Variants in ARB2A observed in about 807,000 individuals in gnomAD.
ARB2A encodes cotranscriptional regulator ARB2A.
chr5:93,919,915 A>G, the ARB2A span, among the ~76,000 whole-genome samples: 3 of 152,178 alleles, frequency 2.0e-5, no homozygotes, highest in Non-Finnish European at 2.9e-5. Context: ...ATGTTTTCAC[A>G]AATTGATTAT....
chr5:93,869,035 A>G, the ARB2A span, among the ~76,000 whole-genome samples: 109 of 152,358 alleles, frequency 7.2e-4, no homozygotes, highest in African/African-American at 2.5e-3. Context: ...CAGACTTTGC[A>G]GTCAGAATTG....
chr5:93,952,272 C>A, the ARB2A span, among the ~76,000 whole-genome samples: 2 of 152,186 alleles, frequency 1.3e-5, no homozygotes, highest in Non-Finnish European at 2.9e-5. Context: ...GTAGCCAGAG[C>A]TGTTATGAGC....
chr5:94,002,407 G>A, the ARB2A span, among the ~76,000 whole-genome samples: 13 of 151,930 alleles, frequency 8.6e-5, no homozygotes, highest in African/African-American at 2.7e-4. Flanking sequence ...TCTTACACTT[G>A]TCTGCACTGA....
At chr5:93,979,098 C>A in the ARB2A span, among the ~76,000 whole-genome samples, 56 of 152,206 alleles carry the variant, frequency 3.7e-4, no homozygotes, top group Middle Eastern at 3.4e-3. Flanking sequence ...ATGCATATAA[C>A]AAAGTATCAC....
chr5:93,673,316 A>T, the ARB2A span, among the ~76,000 whole-genome samples: 2 of 152,006 alleles, frequency 1.3e-5, no homozygotes, highest in Non-Finnish European at 2.9e-5. Flanking sequence ...AAATATTTAA[A>T]ATGTCTCATT....
the ARB2A span, chr5:93,805,331 AGG>A: frequency 4.1e-6 from 4 of 985,082 alleles, no homozygotes; most frequent in African/African-American, 7.0e-5. Flanking sequence ...GAAAAAGCAA[AGG>A]ATTTCACTGA....
At chr5:93,622,267 A>G in the ARB2A span, among the ~76,000 whole-genome samples, 2 of 152,202 alleles carry the variant, frequency 1.3e-5, no homozygotes, top group Non-Finnish European at 2.9e-5. Flanking sequence ...AGATCACTCA[A>G]TTATGCAGAG....
the ARB2A span, among the ~76,000 whole-genome samples, chr5:93,904,748 A>G: frequency 6.6e-6 from 1 of 151,762 alleles, no homozygotes; most frequent in Non-Finnish European, 1.5e-5. Flanking sequence ...GTTGCAAAAT[A>G]TAACACCTTT....
At chr5:94,050,209 G>A in the ARB2A span, among the ~76,000 whole-genome samples, 1 of 151,462 alleles carries the variant, frequency 6.6e-6, no homozygotes, top group South Asian at 2.1e-4. Context: ...CAAAGTGTTG[G>A]GATTATAGGT....
the ARB2A span, among the ~76,000 whole-genome samples, chr5:93,870,344 C>G: frequency 6.6e-6 from 1 of 152,202 alleles, no homozygotes; most frequent in Non-Finnish European, 1.5e-5. Context: ...TTCGATTTCT[C>G]TATTTCAGTT....
the ARB2A span, among the ~76,000 whole-genome samples, chr5:93,702,287 G>C: frequency 6.6e-6 from 1 of 152,122 alleles, no homozygotes; most frequent in African/African-American, 2.4e-5. Context: ...TGTATGAAGA[G>C]ACTAAGGTCC....
At chr5:94,035,574 T>C in the ARB2A span, among the ~76,000 whole-genome samples, 3 of 152,140 alleles carry the variant, frequency 2.0e-5, no homozygotes, top group Non-Finnish European at 1.5e-5. Flanking sequence ...TGAGGATATA[T>C]CCAGCAAAGT....
chr5:93,694,231 A>G, the ARB2A span, among the ~76,000 whole-genome samples: 1 of 152,196 alleles, frequency 6.6e-6, no homozygotes, highest in African/African-American at 2.4e-5. Flanking sequence ...TCAAATAGGA[A>G]GAGAGGAAGT....
the ARB2A span, among the ~76,000 whole-genome samples, chr5:94,104,460 G>T: frequency 6.6e-6 from 1 of 151,668 alleles, no homozygotes; most frequent in Non-Finnish European, 1.5e-5. Flanking sequence ...TGAATCAGAA[G>T]GAAATTGAAA....
At chr5:93,839,116 C>G in the ARB2A span, among the ~76,000 whole-genome samples, 2 of 152,122 alleles carry the variant, frequency 1.3e-5, no homozygotes, top group Non-Finnish European at 2.9e-5. Flanking sequence ...CTGTCACGTT[C>G]CAGTTTTCAA....
At chr5:93,968,106 ACCTATTTACTTCAGTT>A in the ARB2A span, among the ~76,000 whole-genome samples, 1 of 152,196 alleles carries the variant, frequency 6.6e-6, no homozygotes, top group East Asian at 1.9e-4. Flanking sequence ...CACACTAAAG[ACCTATTTACTTCAGTT>A]CCTTTTACCT....
At chr5:93,627,138 C>T in the ARB2A span, among the ~76,000 whole-genome samples, 1 of 152,206 alleles carries the variant, frequency 6.6e-6, no homozygotes, top group Non-Finnish European at 1.5e-5. Flanking sequence ...GAGATTGCAG[C>T]AATTCAGCCA....
At chr5:93,883,273 A>C in the ARB2A span, among the ~76,000 whole-genome samples, 16 of 151,594 alleles carry the variant, frequency 1.1e-4, no homozygotes, top group African/African-American at 3.1e-4. Context: ...AATATATAGC[A>C]AACTGATTTA....
At chr5:94,030,041 T>G in the ARB2A span, among the ~76,000 whole-genome samples, 2 of 152,142 alleles carry the variant, frequency 1.3e-5, no homozygotes, top group African/African-American at 2.4e-5. Context: ...CATCAGATCC[T>G]CACTATCTTG....
Sources: allele counts gnomAD v4.1 joint callset (sites outside exome capture counted in the v4.1 genomes callset), GRCh38; gene constraint gnomAD v4.1.1; transcripts MANE v1.5; gene names NCBI Gene and HGNC (gene_info 2026-07-23, HGNC 2026-07-21).